TDRD3: variants seen among roughly 807,000 people sequenced by gnomAD.
TDRD3 encodes tudor domain containing 3.
A neutral mutation model predicts 86.7 loss-of-function variants in TDRD3; 45 were observed. The ratio of observed to expected loss-of-function variants is 0.52; its 90% CI spans 0.41 to 0.67. The LOEUF is 0.67. TDRD3 is among the 30% of genes least tolerant of loss of function. The probability of loss-of-function intolerance (pLI) is 0.00; values close to 1 mark genes in which losing one functional copy is unlikely to be tolerated. For synonymous variants in TDRD3, 298 were observed against 301.7 expected, an observed-to-expected ratio of 0.99 and a Z score of 0.13; for missense variants, 814 against 889.0, an observed-to-expected ratio of 0.92 and a Z score of 1.07.
chr13:60,484,673 GAT>G, intron 6 of TDRD3: 1 of 442,690 alleles, frequency 2.3e-6, no homozygotes, highest in South Asian at 1.6e-5. Flanking sequence ...AAATAATGTT[GAT>G]TTTTTTTTTT....
chr13:60,512,527 A>G (rs2137673000), intron 10 of TDRD3, among the ~76,000 whole-genome samples: 1 of 152,358 alleles, frequency 6.6e-6, no homozygotes, highest in South Asian at 2.1e-4. Context: ...CTTCTGCCTA[A>G]GAGCCTGAAA....
At chr13:60,495,861 T>C (rs1165427243) in intron 8 of TDRD3, among the ~76,000 whole-genome samples, 1 of 152,146 alleles carries the variant, frequency 6.6e-6, no homozygotes, top group Admixed American at 6.5e-5. Flanking sequence ...GTCAGAATCT[T>C]GTAGCCTCCA....
chr13:60,478,082 CCCTT>C (rs1022423344), intron 5 of TDRD3, among the ~76,000 whole-genome samples: 1 of 151,900 alleles, frequency 6.6e-6, no homozygotes, highest in African/African-American at 2.4e-5. Context: ...GGTTTTCACT[CCCTT>C]CCTGGTTCAT....
intron 1 of TDRD3, among the ~76,000 whole-genome samples, chr13:60,416,002 TTAA>T (rs762737773): frequency 6.8e-4 from 104 of 152,226 alleles, no homozygotes; most frequent in Non-Finnish European, 1.3e-3. Context: ...ATAGAATCAG[TTAA>T]TAATGTTTAT....
chr13:60,538,644 T>C (rs1268049839), intron 12 of TDRD3, among the ~76,000 whole-genome samples: 1 of 152,136 alleles, frequency 6.6e-6, no homozygotes, highest in Admixed American at 6.6e-5. Flanking sequence ...TTCCTACCAC[T>C]GTATGAGAAA....
intron 2 of TDRD3, among the ~76,000 whole-genome samples, chr13:60,443,418 C>T (rs993624967): frequency 2.0e-5 from 3 of 151,970 alleles, no homozygotes; most frequent in African/African-American, 7.2e-5. Flanking sequence ...GGATTTGGCT[C>T]TTAATTTGCC....
intron 13 of TDRD3, among the ~76,000 whole-genome samples, chr13:60,567,890 A>ATTTTTTTTT (rs58242240): frequency 7.5e-6 from 1 of 132,932 alleles, no homozygotes; most frequent in Non-Finnish European, 1.6e-5. Context: ...TGCCCAGCTG[A>ATTTTTTTTT]TTTTTTTTTT....
chr13:60,531,806 C>T (rs1957588203), intron 11 of TDRD3, among the ~76,000 whole-genome samples: 1 of 151,800 alleles, frequency 6.6e-6, no homozygotes, highest in Admixed American at 6.6e-5. Flanking sequence ...GTCTAATATC[C>T]TTTAAAAAGT....
chr13:60,408,875 A>G (rs1954294548), intron 1 of TDRD3, among the ~76,000 whole-genome samples: 1 of 152,210 alleles, frequency 6.6e-6, no homozygotes, highest in African/African-American at 2.4e-5. Context: ...GTTAAACCCC[A>G]AGACCATGGA....
chr13:60,550,105 A>G (rs1003941231), intron 12 of TDRD3, among the ~76,000 whole-genome samples: 1 of 152,130 alleles, frequency 6.6e-6, no homozygotes, highest in Non-Finnish European at 1.5e-5. Context: ...GTGTGTCACT[A>G]AGAGTAGAGA....
At chr13:60,409,890 G>A (rs1954317756) in intron 1 of TDRD3, among the ~76,000 whole-genome samples, 1 of 152,202 alleles carries the variant, frequency 6.6e-6, no homozygotes, top group Non-Finnish European at 1.5e-5. Flanking sequence ...TTGGAATGAT[G>A]TGGTTTGGCT....
At chr13:60,522,608 G>A (rs1212446003) in intron 10 of TDRD3, among the ~76,000 whole-genome samples, 1 of 152,196 alleles carries the variant, frequency 6.6e-6, no homozygotes, top group Non-Finnish European at 1.5e-5. Context: ...GGTACCCCAT[G>A]ATAAAAAGCT....
intron 2 of TDRD3, among the ~76,000 whole-genome samples, chr13:60,442,295 T>C (rs1377000772): frequency 6.6e-6 from 1 of 152,106 alleles, no homozygotes; most frequent in Non-Finnish European, 1.5e-5. Context: ...TTTTATTTCT[T>C]TTAAGATTTT....
Position 60,541,373 on chromosome 13 carries a change from G to A in TDRD3, c.2118+6140G>A, listed in dbSNP as rs187435810. Among the ~76,000 whole-genome samples the A allele has an allele frequency of 5.1e-3, 772 of 152,080 alleles. 1 individual carries two copies. The highest frequency in any genetic ancestry group is 8.5e-3 in the Non-Finnish European group (580 of 67,992). ...GTAGAAACAGGGTTTCACCATGTTG[G>A]CCAGGCTGGTCTTGAACTCCTGACC... On this transcript the variant is annotated intron_variant, in intron 12 of 13. Transcript: ENST00000377881.
In TDRD3 at chr13:60,460,555, A is replaced by AT; in HGVS notation, c.353+19dup. 1 of 1,526,110 alleles carries AT rather than the reference A, an allele frequency of 6.6e-7. No homozygotes were observed. The highest frequency in any genetic ancestry group is 8.7e-7 in the Non-Finnish European group (1 of 1,147,026). 94.5% of individuals were successfully genotyped at this position (1,526,110 alleles called of 1,614,324 possible). ...TCAAAAATAAGGTGATTGGCACTTTATTTTGTGTATTTGTTACAGAATGTT... is the reference window on the plus strand; with the variant it reads ...TCAAAAATAAGGTGATTGGCACTTTATTTTTGTGTATTTGTTACAGAATGTT... On this transcript the variant is annotated intron_variant, in intron 4 of 13. Transcript: ENST00000377881.
chr13:60,511,912 ACT>A (rs1957067673), intron 10 of TDRD3, among the ~76,000 whole-genome samples: 1 of 151,478 alleles, frequency 6.6e-6, no homozygotes. Flanking sequence ...CTTTTTCCTG[ACT>A]CTGACTTAAT....
chr13:60,400,469 G>A (rs530646771), intron 1 of TDRD3, among the ~76,000 whole-genome samples: 17 of 152,280 alleles, frequency 1.1e-4, no homozygotes, highest in African/African-American at 3.8e-4. Context: ...CTGGCTGGGC[G>A]CAGTGGTGGC....
At chr13:60,471,469 T>A (rs1956074901) in intron 5 of TDRD3, among the ~76,000 whole-genome samples, 1 of 152,180 alleles carries the variant, frequency 6.6e-6, no homozygotes, top group Non-Finnish European at 1.5e-5. Flanking sequence ...AAGTGAGACC[T>A]TTTTCAGGAT....
intron 3 of TDRD3, among the ~76,000 whole-genome samples, chr13:60,449,964 A>C (rs1648087697): frequency 6.6e-6 from 1 of 151,974 alleles, no homozygotes; most frequent in Admixed American, 6.6e-5. Context: ...TACCTAGGAG[A>C]ACCCTGGTTT....
Sources: allele counts gnomAD v4.1 joint callset (sites outside exome capture counted in the v4.1 genomes callset), GRCh38; gene constraint gnomAD v4.1.1; transcripts MANE v1.5; gene names NCBI Gene and HGNC (gene_info 2026-07-23, HGNC 2026-07-21).